SH3RF2: variants seen among roughly 807,000 people sequenced by gnomAD.
The protein encoded by SH3RF2 is E3 ubiquitin-protein ligase SH3RF2.
Under a neutral mutation model 59.0 loss-of-function variants are expected in SH3RF2, and 43 were observed. The observed-to-expected ratio is 0.73, with a 90% CI of 0.57 to 0.94. The LOEUF (loss-of-function observed/expected upper bound fraction) is 0.94, where lower values mean the gene tolerates loss of function less well. Ranked by LOEUF, SH3RF2 falls within the 40% of genes least tolerant of loss-of-function variation. SH3RF2 has a pLI of 0.00. For synonymous variants in SH3RF2, 391 were observed against 391.5 expected, an observed-to-expected ratio of 1.00 and a Z score of 0.01; for missense variants, 930 against 940.1, an observed-to-expected ratio of 0.99 and a Z score of 0.14.
chr5:145,974,984 T>A (rs992064436), intron 2 of SH3RF2, among the ~76,000 whole-genome samples: 1 of 152,240 alleles, frequency 6.6e-6, no homozygotes, highest in African/African-American at 2.4e-5. Context: ...ATGAGTCTCA[T>A]GTGTCTGAAC....
At chr5:146,006,981 G>T (rs771511761) in intron 4 of SH3RF2, among the ~76,000 whole-genome samples, 1 of 152,186 alleles carries the variant, frequency 6.6e-6, no homozygotes, top group East Asian at 1.9e-4. Flanking sequence ...CGTTTCAGAA[G>T]TGACACTTGT....
chr5:146,002,395 G>A (rs1465524143), intron 3 of SH3RF2, among the ~76,000 whole-genome samples: 1 of 151,890 alleles, frequency 6.6e-6, no homozygotes, highest in Non-Finnish European at 1.5e-5. Flanking sequence ...AGGTTGCAGT[G>A]AGCCAAGTTC....
chr5:146,041,516 C>G (rs1203934632), intron 5 of SH3RF2, among the ~76,000 whole-genome samples: 2 of 152,316 alleles, frequency 1.3e-5, no homozygotes, highest in Admixed American at 1.3e-4. Flanking sequence ...AAATGTGGCT[C>G]TTAACTTGTT....
At chr5:145,964,267 CT>C (rs1580781733) in intron 2 of SH3RF2, among the ~76,000 whole-genome samples, 1 of 120,108 alleles carries the variant, frequency 8.3e-6, no homozygotes, top group Admixed American at 9.7e-5. Context: ...TCTTCTTTCC[CT>C]TCTTTTCCTT....
chr5:146,009,332 G>C (rs1430047150), intron 4 of SH3RF2, among the ~76,000 whole-genome samples: 1 of 152,050 alleles, frequency 6.6e-6, no homozygotes, highest in Non-Finnish European at 1.5e-5. Context: ...TCTGGCCCCT[G>C]CCTGTCTCTG....
intron 7 of SH3RF2, 149 bp from the exon 8 acceptor site, chr5:146,055,832 C>A: frequency 2.3e-6 from 2 of 872,208 alleles, no homozygotes; most frequent in Non-Finnish European, 3.5e-6. Context: ...GCCTGTAGTT[C>A]ACAAAATGGG....
chr5:146,032,737 C>T (rs1346568687), intron 5 of SH3RF2, among the ~76,000 whole-genome samples: 6 of 152,198 alleles, frequency 3.9e-5, no homozygotes, highest in Non-Finnish European at 7.3e-5. Context: ...CCATAAATCA[C>T]ATTTCTCTCT....
rs569845483 is a variant in SH3RF2 at position 145,972,867 on chromosome 5, A to C, written c.379-27191A>C. On this transcript the variant is annotated intron_variant, in intron 2 of 9. Transcript: ENST00000359120. Reference sequence around the variant, plus strand: ...ATACCCTGATCCTAGTTTGAGCTCCATGAGGGAAGTACTTTGTTCTATTTG... The same window carrying C: ...ATACCCTGATCCTAGTTTGAGCTCCCTGAGGGAAGTACTTTGTTCTATTTG... 1.1e-4 allele frequency among the ~76,000 whole-genome samples: 16 copies of C among 152,328 alleles called. No individual in the cohort carries two copies. The South Asian group carries it at 2.7e-3, about 26-fold the overall frequency.
chr5:146,056,162 G>A lies in SH3RF2; in HGVS notation c.1504G>A (p.Gly502Arg). Residue 502 changes from glycine (G) to arginine (R), a missense_variant, in exon 8 of 10, where the codon GGG (glycine) becomes AGG (arginine). Coordinates refer to ENST00000359120, the MANE Select transcript of SH3RF2 (RefSeq NM_152550.4). ...VNPVRSTAGP[G>R]TLGQGSLRKG... is the part of the protein sequence containing the mutation. The stretch of plus-strand genomic sequence containing the variant: ...CCCCGTGAGAAGCACAGCCGGCCCT[G>A]GGACTTTAGGACAAGGGTCTCTTCG... 1 of 1,614,172 alleles carries A rather than the reference G, an allele frequency of 6.2e-7. No individual in the cohort carries two copies. The highest frequency in any genetic ancestry group is 1.3e-5 in the African/African-American group (1 of 75,050).
At chr5:146,053,581 G>A (rs1762572053) in intron 7 of SH3RF2, among the ~76,000 whole-genome samples, 1 of 152,136 alleles carries the variant, frequency 6.6e-6, no homozygotes, top group Non-Finnish European at 1.5e-5. Context: ...GGGCAAAGTT[G>A]AAGACCACTC....
intron 3 of SH3RF2, among the ~76,000 whole-genome samples, chr5:146,003,638 G>A (rs1760515835): frequency 6.6e-6 from 1 of 152,110 alleles, no homozygotes; most frequent in African/African-American, 2.4e-5. Flanking sequence ...GTTGCTTTAT[G>A]TTTGATGCAT....
chr5:146,047,729 G>A, intron 5 of SH3RF2, 43 bp from the exon 6 acceptor site: 2 of 1,588,544 alleles, frequency 1.3e-6, no homozygotes, highest in South Asian at 1.1e-5. Context: ...CCTGGGTTGT[G>A]GCATTCATTG....
chr5:145,961,546 G>A (rs1034817859), intron 2 of SH3RF2, among the ~76,000 whole-genome samples: 4 of 152,162 alleles, frequency 2.6e-5, no homozygotes, highest in African/African-American at 7.2e-5. Flanking sequence ...TAATCATGGC[G>A]AATAGTTGTT....
chr5:145,994,100 C>T (rs1483004435), intron 2 of SH3RF2, among the ~76,000 whole-genome samples: 1 of 152,188 alleles, frequency 6.6e-6, no homozygotes, highest in Non-Finnish European at 1.5e-5. Flanking sequence ...ATCTCTAGGG[C>T]AGGTGCAAAA....
intron 4 of SH3RF2, among the ~76,000 whole-genome samples, chr5:146,012,579 G>C (rs1208425217): frequency 6.6e-6 from 1 of 151,994 alleles, no homozygotes; most frequent in Non-Finnish European, 1.5e-5. Context: ...ACTTCTTCCT[G>C]GTTTAGTCTT....
chr5:146,026,502 A>G (rs1036783833), intron 5 of SH3RF2, among the ~76,000 whole-genome samples: 4 of 152,216 alleles, frequency 2.6e-5, no homozygotes, highest in East Asian at 1.9e-4. Flanking sequence ...CACTCTGAAG[A>G]TAGGTAACAC....
downstream of SH3RF2, among the ~76,000 whole-genome samples, chr5:146,064,200 G>A (rs540898357): frequency 6.6e-6 from 1 of 151,706 alleles, no homozygotes; most frequent in South Asian, 2.1e-4. Context: ...ATAAGAGTAA[G>A]AGTGAAAGAG....
At position 145,971,071 on chromosome 5, in the gene SH3RF2, G is replaced by A. The variant is rs77029534; in HGVS notation, c.379-28987G>A. On this transcript the variant is annotated intron_variant, in intron 2 of 9. Coordinates refer to ENST00000359120, the MANE Select transcript of SH3RF2 (RefSeq NM_152550.4). ...CTTGAGGCATCCTTTGCATTGGGCTGGGTCTTCCCTGATCAGGGCTCCACT... is the reference window on the plus strand; with the variant it reads ...CTTGAGGCATCCTTTGCATTGGGCTAGGTCTTCCCTGATCAGGGCTCCACT... Among the ~76,000 whole-genome samples, 1,180 of 152,282 alleles carry A rather than the reference G, an allele frequency of 7.7e-3. 19 individuals carry two copies. Among genetic ancestry groups the A allele is most frequent in the African/African-American group, 0.027 (1,122 of 41,536 alleles).
Position 146,074,114 on chromosome 5 carries a change from A to G in SH3RF2, c.*34-4346A>G, listed in dbSNP as rs568618271. On this transcript the variant is annotated intron_variant, in intron 9 of 9. Coordinates refer to the SH3RF2 transcript ENST00000511217. Reference sequence around the variant, plus strand: ...GAGTACAGAGGCGCGATCTTGGCTCACTGCAAGCTCCGCCTCCCGGGTTCA... The same window carrying G: ...GAGTACAGAGGCGCGATCTTGGCTCGCTGCAAGCTCCGCCTCCCGGGTTCA... 3.6e-3 allele frequency among the ~76,000 whole-genome samples: 508 copies of G among 140,150 alleles called. 2 individuals carry two copies. Among genetic ancestry groups the G allele is most frequent in the African/African-American group, 0.014 (482 of 35,406 alleles). The allele number at this position is 140,150 out of a possible 152,430, so 91.9% of individuals were successfully genotyped here. A position where few individuals can be genotyped will look rare whatever the true frequency, so the allele number is the denominator to read the frequency against.
Sources: allele counts gnomAD v4.1 joint callset (sites outside exome capture counted in the v4.1 genomes callset), GRCh38; gene constraint gnomAD v4.1.1; transcripts MANE v1.5; gene names NCBI Gene and HGNC (gene_info 2026-07-23, HGNC 2026-07-21).